Variants in NFATC1 observed in about 807,000 individuals in gnomAD.
NFATC1 encodes the protein nuclear factor of activated T cells 1.
Under a neutral mutation model 76.0 loss-of-function variants are expected in NFATC1, and 22 were observed. The observed-to-expected ratio is 0.29, with a 90% CI of 0.21 to 0.41. The LOEUF (loss-of-function observed/expected upper bound fraction) is 0.41, where lower values mean the gene tolerates loss of function less well. NFATC1 is among the 10% of genes least tolerant of loss of function. The pLI, the probability that NFATC1 is intolerant of heterozygous loss-of-function variation, is 1.00. For missense variants in NFATC1, 1,357 were observed against 1,337.7 expected, an observed-to-expected ratio of 1.01 and a Z score of -0.23; for synonymous variants, 704 against 613.1, an observed-to-expected ratio of 1.15 and a Z score of -2.19.
intron 1 of NFATC1, among the ~76,000 whole-genome samples, chr18:79,408,893 C>T (rs373102712): frequency 6.7e-6 from 1 of 149,256 alleles, no homozygotes; most frequent in East Asian, 2.0e-4. Flanking sequence ...TCCATCCATC[C>T]ATCATCCATC....
At chr18:79,424,597 C>CTCTGTCTCTCCGTCTG (rs1322441342) in intron 2 of NFATC1, among the ~76,000 whole-genome samples, 1 of 151,560 alleles carries the variant, frequency 6.6e-6, no homozygotes, top group African/African-American at 2.4e-5. Flanking sequence ...CTCTGTCTCT[C>CTCTGTCTCTCCGTCTG]TCTGTCTCTC....
rs548863688 is a variant in NFATC1 at position 79,529,193 on chromosome 18, C to T, written c.*1616C>T. The T allele has an allele frequency of 2.0e-5, 3 of 152,386 alleles. No homozygotes were observed. The East Asian group carries it at 5.8e-4, about 29-fold the overall frequency. 9.4% of individuals were successfully genotyped at this position (152,386 alleles called of 1,614,324 possible). ...GTCCCACCTGCGGCTGGGTACCCTG[C>T]ACCCGGCACTGTAGGAGTCACGTGC... is the stretch of plus-strand genomic sequence containing the variant. On this transcript the variant is annotated 3_prime_UTR_variant, in exon 10 of 10. Coordinates refer to ENST00000427363, the MANE Select transcript of NFATC1 (RefSeq NM_001278669.2).
intron 1 of NFATC1, among the ~76,000 whole-genome samples, chr18:79,396,745 G>A (rs184778768): frequency 6.6e-6 from 1 of 152,086 alleles, no homozygotes; most frequent in African/African-American, 2.4e-5. Flanking sequence ...GTGTCTTCCT[G>A]AGCGAGGCAG....
At chr18:79,472,353 C>T (rs1439724920) in intron 8 of NFATC1, among the ~76,000 whole-genome samples, 4 of 152,166 alleles carry the variant, frequency 2.6e-5, no homozygotes, top group African/African-American at 9.7e-5. Context: ...GAGCACCCCA[C>T]AAGGGATCCG....
intron 7 of NFATC1, among the ~76,000 whole-genome samples, chr18:79,464,696 T>TATA (rs56730738): frequency 1.1e-4 from 11 of 100,324 alleles, no homozygotes; most frequent in African/African-American, 4.0e-4. Context: ...ATATATATAT[T>TATA]TATTTATTTA....
intron 1 of NFATC1, among the ~76,000 whole-genome samples, chr18:79,402,628 C>T (rs2085306473): frequency 6.6e-6 from 1 of 152,184 alleles, no homozygotes; most frequent in African/African-American, 2.4e-5. Context: ...GGGCTCCGAG[C>T]AGGAGAGGCG....
intron 8 of NFATC1, among the ~76,000 whole-genome samples, chr18:79,485,814 G>A (rs529619022): frequency 4.1e-4 from 63 of 152,338 alleles, no homozygotes; most frequent in Non-Finnish European, 7.8e-4. Context: ...CTTTGCAGTT[G>A]GATTTTTACT....
At chr18:79,397,213 G>C (rs2085037413) in intron 1 of NFATC1, among the ~76,000 whole-genome samples, 1 of 152,222 alleles carries the variant, frequency 6.6e-6, no homozygotes, top group South Asian at 2.1e-4. Flanking sequence ...GCAGAGGTGT[G>C]AGCATACGAG....
At chr18:79,425,868 TAAC>T (rs2086310111) in intron 2 of NFATC1, among the ~76,000 whole-genome samples, 1 of 152,162 alleles carries the variant, frequency 6.6e-6, no homozygotes, top group Non-Finnish European at 1.5e-5. Flanking sequence ...GTTGTACAAA[TAAC>T]AAACACCGTT....
chr18:79,444,295 G>C (rs1289450667), intron 3 of NFATC1, among the ~76,000 whole-genome samples: 2 of 152,132 alleles, frequency 1.3e-5, no homozygotes, highest in African/African-American at 4.8e-5. Context: ...CAGAACACCA[G>C]GCTTTGCCCC....
At chr18:79,510,278 A>G (rs1394730929) in intron 9 of NFATC1, among the ~76,000 whole-genome samples, 1 of 152,176 alleles carries the variant, frequency 6.6e-6, no homozygotes, top group Non-Finnish European at 1.5e-5. Flanking sequence ...TTCCACTTTC[A>G]AAAGATGACA....
intron 8 of NFATC1, chr18:79,469,573 C>T (rs1240824724): frequency 4.1e-6 from 4 of 985,930 alleles, no homozygotes; most frequent in Non-Finnish European, 4.8e-6. Flanking sequence ...CCCCGGCTCC[C>T]CTCTCAGCAT....
chr18:79,474,016 C>A (rs1378366296), intron 8 of NFATC1, among the ~76,000 whole-genome samples: 1 of 133,500 alleles, frequency 7.5e-6, no homozygotes, highest in South Asian at 2.4e-4. Context: ...TCACTGTCGA[C>A]GTAAACCTGA....
At chr18:79,456,868 C>G (rs1051355714) in intron 6 of NFATC1, among the ~76,000 whole-genome samples, 1 of 152,212 alleles carries the variant, frequency 6.6e-6, no homozygotes, top group Non-Finnish European at 1.5e-5. Context: ...GCTGGGAATT[C>G]CCAGCTCCAG....
At chr18:79,510,935 C>T (rs1229047605) in intron 9 of NFATC1, among the ~76,000 whole-genome samples, 1 of 152,178 alleles carries the variant, frequency 6.6e-6, no homozygotes, top group East Asian at 1.9e-4. Flanking sequence ...GCCGGGGCAT[C>T]CTGCTCCGGG....
At position 79,465,678 on chromosome 18, in the gene NFATC1, C is replaced by T. The variant is rs1600820754; in HGVS notation, c.1960-1772C>T. Among the ~76,000 whole-genome samples the T allele has an allele frequency of 6.6e-6, 1 of 152,268 alleles. No individual in the cohort carries two copies. Among genetic ancestry groups the T allele is most frequent in the East Asian group, 1.9e-4 (1 of 5,208 alleles). ...GAGACGTTTCCTTCTTGTCTCTTCC[C>T]TCAGCTGCTTCTGCTCTAAAGACCC... On this transcript the variant is annotated intron_variant, in intron 7 of 9. Transcript: ENST00000427363. The surrounding 1 kb of genome is among the most constrained non-coding windows in gnomAD (Gnocchi z 4.2).
In NFATC1 at chr18:79,525,543, C is replaced by T. The variant is rs147713345; in HGVS notation, c.2783-1985C>T. Among the ~76,000 whole-genome samples the T allele has an allele frequency of 1.1e-3, 157 of 148,358 alleles. 1 individual carries two copies. Among genetic ancestry groups the T allele is most frequent in the African/African-American group, 4.0e-3 (152 of 38,050 alleles). On this transcript the variant is annotated intron_variant, in intron 9 of 9. Coordinates refer to ENST00000427363, the MANE Select transcript of NFATC1 (RefSeq NM_001278669.2). ...CTCAGTCCTCCCCACGTCCCACCGTCGTTACCTCTCAGGCCTCCCTCCTGT... is the reference window on the plus strand; with the variant it reads ...CTCAGTCCTCCCCACGTCCCACCGTTGTTACCTCTCAGGCCTCCCTCCTGT...
intron 9 of NFATC1, among the ~76,000 whole-genome samples, chr18:79,513,128 CCTCT>C (rs1228724572): frequency 6.6e-6 from 1 of 152,244 alleles, no homozygotes; most frequent in African/African-American, 2.4e-5. Context: ...TATTTTAATT[CCTCT>C]CTCGATACCC....
intron 6 of NFATC1, among the ~76,000 whole-genome samples, chr18:79,453,412 A>G (rs1239760780): frequency 6.6e-6 from 1 of 152,232 alleles, no homozygotes; most frequent in Non-Finnish European, 1.5e-5. Context: ...GCCATGGGTA[A>G]GGGCAGCCAC....
Sources: allele counts gnomAD v4.1 joint callset (sites outside exome capture counted in the v4.1 genomes callset), GRCh38; gene constraint gnomAD v4.1.1; non-coding constraint Gnocchi (gnomAD v3.1); transcripts MANE v1.5; gene names NCBI Gene and HGNC (gene_info 2026-07-23, HGNC 2026-07-21).